Variants in DNAH7 observed in about 807,000 individuals in gnomAD.
The protein encoded by DNAH7 is axonemal beta dynein heavy chain 7.
Under a neutral mutation model 444.6 loss-of-function variants are expected in DNAH7, and 397 were observed. The observed-to-expected ratio is 0.89, with a 90% CI of 0.82 to 0.97. DNAH7 has a LOEUF of 0.97. Among genes scored for constraint, DNAH7 ranks in the 50% least tolerant of loss-of-function variants. DNAH7 has a pLI of 0.00. For missense variants in DNAH7, 4,902 were observed against 4,800.8 expected (o/e 1.02, Z -0.62); for synonymous variants, 1,636 against 1,624.4 (o/e 1.01, Z -0.17).
At chr2:195,999,581 G>C (rs1693912817) in intron 12 of DNAH7, among the ~76,000 whole-genome samples, 1 of 151,530 alleles carries the variant, frequency 6.6e-6, no homozygotes, top group East Asian at 2.0e-4. Context: ...AAAAACTGTG[G>C]ATATTGGTAG....
chr2:195,887,081 G>GAT, intron 33 of DNAH7, among the ~76,000 whole-genome samples: 1 of 152,228 alleles, frequency 6.6e-6, no homozygotes, highest in South Asian at 2.1e-4. Context: ...AAATAAAACA[G>GAT]ATACTTATTA....
chr2:196,027,629 T>C (rs1276400199), intron 6 of DNAH7, among the ~76,000 whole-genome samples: 1 of 152,062 alleles, frequency 6.6e-6, no homozygotes, highest in Non-Finnish European at 1.5e-5. Context: ...CTAAAGTACG[T>C]TAATATGCCT....
At chr2:195,973,471 TTTTG>T (rs1691983312) in intron 15 of DNAH7, among the ~76,000 whole-genome samples, 1 of 151,224 alleles carries the variant, frequency 6.6e-6, no homozygotes, top group Non-Finnish European at 1.5e-5. Context: ...GTTGTTTTGT[TTTTG>T]TTTTTGTTTT....
Position 195,778,643 on chromosome 2 carries a change from A to AATATATATAT in DNAH7, c.10879-668_10879-659dup, listed in dbSNP as rs1169066622. On this transcript the variant is annotated intron_variant, in intron 58 of 64. Coordinates refer to ENST00000312428, the MANE Select transcript of DNAH7 (RefSeq NM_018897.3). ...GAAAAAAAAAAAAAATAAATAAATA[A>AATATATATAT]ATATATATATATATATATATATATA... 1.2e-3 allele frequency among the ~76,000 whole-genome samples: 67 copies of AATATATATAT among 56,216 alleles called. 2 individuals carry two copies. The highest frequency in any genetic ancestry group is 4.8e-3 in the African/African-American group (48 of 10,022). 36.9% of individuals were successfully genotyped at this position (56,216 alleles called of 152,430 possible).
chr2:195,749,599 T>C (rs1173053210), intron 63 of DNAH7, among the ~76,000 whole-genome samples: 3 of 151,088 alleles, frequency 2.0e-5, no homozygotes, highest in African/African-American at 7.3e-5. Context: ...CCAACAATGA[T>C]AGACTGGATT....
intron 49 of DNAH7, among the ~76,000 whole-genome samples, chr2:195,823,135 G>C (rs1179394098): frequency 6.6e-6 from 1 of 152,044 alleles, no homozygotes; most frequent in Non-Finnish European, 1.5e-5. Flanking sequence ...TTCCCTAGCA[G>C]GTAAATACAT....
chr2:195,978,778 C>T (rs916056139), intron 15 of DNAH7, among the ~76,000 whole-genome samples: 21 of 151,978 alleles, frequency 1.4e-4, no homozygotes, highest in East Asian at 1.9e-4. Context: ...AGTAGCTACA[C>T]GTATATCAGA....
chr2:196,019,728 T>C (rs527419384), intron 8 of DNAH7, among the ~76,000 whole-genome samples: 2 of 152,288 alleles, frequency 1.3e-5, no homozygotes, highest in East Asian at 1.9e-4. Flanking sequence ...AAGGATATAG[T>C]CCAACCTTCC....
At chr2:195,770,967 A>G (rs546674546) in intron 61 of DNAH7, among the ~76,000 whole-genome samples, 1 of 150,058 alleles carries the variant, frequency 6.7e-6, no homozygotes, top group African/African-American at 2.4e-5. Context: ...AAGTGCTAGG[A>G]TTACAGGCAT....
chr2:196,042,842 G>A (rs1696853901), intron 5 of DNAH7, among the ~76,000 whole-genome samples: 1 of 152,070 alleles, frequency 6.6e-6, no homozygotes, highest in Non-Finnish European at 1.5e-5. Context: ...TCTACACTCA[G>A]CTATCTGCCC....
At chr2:195,852,560 C>G in intron 46 of DNAH7, among the ~76,000 whole-genome samples, 1 of 152,012 alleles carries the variant, frequency 6.6e-6, no homozygotes, top group East Asian at 1.9e-4. Context: ...GGCCATGACC[C>G]AGGTTGGATT....
intron 16 of DNAH7, among the ~76,000 whole-genome samples, chr2:195,971,609 G>T (rs1691846447): frequency 6.6e-6 from 1 of 152,184 alleles, no homozygotes; most frequent in Admixed American, 6.6e-5. Context: ...TGCTCAGAGT[G>T]ATGGGGAGAA....
chr2:195,856,621 G>C (rs1260540669), intron 44 of DNAH7, among the ~76,000 whole-genome samples: 1 of 151,860 alleles, frequency 6.6e-6, no homozygotes, highest in African/African-American at 2.4e-5. Context: ...GTTGTTTTTT[G>C]AAAAAATAAT....
chr2:195,907,361 T>C lies in DNAH7; in HGVS notation c.4105-352A>G, dbSNP rs1687092338. ...TTTATAGCATAGGTTATAATAACCA[T>C]CCAAATAAGATGACTTCTGTTGCCA... On this transcript the variant is annotated intron_variant, in intron 25 of 64. Transcript: ENST00000312428. 2.0e-5 allele frequency among the ~76,000 whole-genome samples: 3 copies of C among 152,100 alleles called. No homozygotes were observed. The South Asian group carries it at 6.2e-4, about 31-fold the overall frequency.
chr2:196,030,607 G>A (rs1695990952), intron 5 of DNAH7, among the ~76,000 whole-genome samples: 1 of 152,234 alleles, frequency 6.6e-6, no homozygotes, highest in South Asian at 2.1e-4. Flanking sequence ...TTATTTCCTA[G>A]ATATAATGGG....
chr2:195,891,519 G>T, intron 31 of DNAH7, 136 bp downstream of exon 31: 1 of 767,718 alleles, frequency 1.3e-6, no homozygotes, highest in Non-Finnish European at 1.8e-6. Flanking sequence ...AATACTGCCA[G>T]AATATCCAGT....
intron 24 of DNAH7, among the ~76,000 whole-genome samples, chr2:195,915,726 C>A (rs1048710264): frequency 5.9e-5 from 9 of 152,026 alleles, no homozygotes; most frequent in Non-Finnish European, 1.3e-4. Flanking sequence ...GCTCTCATTC[C>A]CCATCTGCAA....
At chr2:196,008,452 T>C (rs1256972875) in intron 10 of DNAH7, among the ~76,000 whole-genome samples, 1 of 152,162 alleles carries the variant, frequency 6.6e-6, no homozygotes, top group African/African-American at 2.4e-5. Flanking sequence ...AACTTAAAAA[T>C]ATATTTATGC....
intron 62 of DNAH7, 111 bp from the exon 63 acceptor site, chr2:195,754,625 C>T: frequency 9.8e-7 from 1 of 1,017,062 alleles, no homozygotes; most frequent in Non-Finnish European, 1.4e-6. Flanking sequence ...ATCCTCTCAC[C>T]TCAGCCTCCC....
Sources: gnomAD v4.1 joint callset for allele counts (sites outside exome capture counted in the v4.1 genomes callset) on GRCh38, gnomAD v4.1.1 for gene constraint, MANE v1.5 for transcripts, NCBI Gene and HGNC (gene_info 2026-07-23, HGNC 2026-07-21) for gene names.